Variants in PUM3 observed in about 807,000 individuals in gnomAD.
PUM3 encodes the protein pumilio homolog 3.
Under a neutral mutation model 84.0 loss-of-function variants are expected in PUM3, and 91 were observed. The observed-to-expected ratio is 1.08, with a 90% CI of 0.91 to 1.29. PUM3 has a LOEUF of 1.29. Ranked by LOEUF, PUM3 falls within the 50% of genes most tolerant of loss-of-function variation. The probability of loss-of-function intolerance (pLI) is 0.00; values close to 1 mark genes in which losing one functional copy is unlikely to be tolerated. For synonymous variants in PUM3, 321 were observed against 266.7 expected, an observed-to-expected ratio of 1.20 and a Z score of -1.98; for missense variants, 1,067 against 767.5, an observed-to-expected ratio of 1.39 and a Z score of -4.61.
At chr9:2,832,117 G>A (rs192606260) in intron 5 of PUM3, among the ~76,000 whole-genome samples, 1 of 152,222 alleles carries the variant, frequency 6.6e-6, no homozygotes, top group Admixed American at 6.5e-5. Context: ...CAACAAATCA[G>A]GTGAGTGTAT....
At chr9:2,831,924 T>C (rs1412195588) in intron 5 of PUM3, among the ~76,000 whole-genome samples, 1 of 152,208 alleles carries the variant, frequency 6.6e-6, no homozygotes, top group Non-Finnish European at 1.5e-5. Flanking sequence ...CTAGAAGAGT[T>C]GTTGTGTTTT....
At chr9:2,805,066 G>T (rs1426709480) in intron 17 of PUM3, among the ~76,000 whole-genome samples, 1 of 152,144 alleles carries the variant, frequency 6.6e-6, no homozygotes, top group Non-Finnish European at 1.5e-5. Flanking sequence ...ACAACCAAGA[G>T]CATGCTATGT....
At chr9:2,828,133 G>A (rs1368577707) in intron 9 of PUM3, among the ~76,000 whole-genome samples, 1 of 152,058 alleles carries the variant, frequency 6.6e-6, no homozygotes, top group Admixed American at 6.6e-5. Flanking sequence ...ATGACCTCCT[G>A]GGCTCCAGTG....
intron 3 of PUM3, among the ~76,000 whole-genome samples, chr9:2,836,332 T>C (rs567519586): frequency 6.6e-6 from 1 of 152,042 alleles, no homozygotes; most frequent in African/African-American, 2.4e-5. Context: ...ACCAGAAAAA[T>C]TCTCAGGATG....
rs773006241 is a variant in PUM3 at position 2,811,477 on chromosome 9, C to G, written c.1519G>C (p.Ala507Pro). ...AGAATGTCAGACACCAACACACACG[C>G]AGACTTATCTAGCACCACTTCTTGG... ...HAQEVVLDKS[A>P]CVLVSDILGS... The change falls in exon 15 of 18, where the codon GCG becomes CCG. Residue 507 changes from alanine (A) to proline (P), a missense_variant. Physicochemically the swap from Ala to Pro is conservative, Grantham distance 27 (BLOSUM62 -1). Transcript: ENST00000397885. The G allele has an allele frequency of 6.2e-7, 1 of 1,614,184 alleles. No individual in the cohort carries two copies.
intron 15 of PUM3, 34 bp downstream of exon 15, chr9:2,811,327 C>A (rs774893577): frequency 6.2e-7 from 1 of 1,601,586 alleles, no homozygotes; most frequent in Non-Finnish European, 8.5e-7. Flanking sequence ...GTGGCCTTTG[C>A]AGCTTTCCTG....
intron 1 of PUM3, among the ~76,000 whole-genome samples, chr9:2,843,750 T>C (rs982512577): frequency 2.0e-5 from 3 of 151,706 alleles, no homozygotes; most frequent in African/African-American, 7.3e-5. Context: ...GGCTAATTTT[T>C]TGTAGTTTTA....
At chr9:2,808,085 A>C in intron 16 of PUM3, 181 bp from the exon 17 acceptor site, 1 of 545,868 alleles carries the variant, frequency 1.8e-6, no homozygotes, top group Non-Finnish European at 3.2e-6. Context: ...TGCATTTCTA[A>C]AAGAGCCATT....
intron 16 of PUM3, among the ~76,000 whole-genome samples, chr9:2,810,084 CAG>C (rs1563825173): frequency 8.4e-6 from 1 of 119,310 alleles, no homozygotes; most frequent in Admixed American, 1.1e-4. Context: ...GGAAGGAAAA[CAG>C]AGAGAGTGAG....
intron 1 of PUM3, among the ~76,000 whole-genome samples, chr9:2,840,932 C>T (rs1422945309): frequency 6.6e-6 from 1 of 152,216 alleles, no homozygotes; most frequent in Admixed American, 6.5e-5. Flanking sequence ...GTTTCTATGT[C>T]CTTTCGGCAG....
Position 2,829,804 on chromosome 9 carries a change from C to T in PUM3, c.822G>A (p.Glu274=). Residue 274 remains glutamate (E), a synonymous_variant, in exon 8 of 18, where the codon GAG becomes GAA. Transcript: ENST00000397885. ...ILEQRNMLTE[E]LYGNTFQLYK... Reference sequence around the variant, plus strand: ...AAAGCTGAAATGTGTTCCCATAGAGCTCTTCCGTCAGCATGTTCCTCTGCT... The same window carrying T: ...AAAGCTGAAATGTGTTCCCATAGAGTTCTTCCGTCAGCATGTTCCTCTGCT... 3.7e-6 allele frequency: 6 copies of T among 1,613,960 alleles called. No individual in the cohort carries two copies. The highest frequency in any genetic ancestry group is 4.2e-6 in the Non-Finnish European group (5 of 1,179,844).
rs767604458 is a variant in PUM3, at chr9:2,829,820, T to C, written c.806A>G (p.Asn269Ser). 15 of 1,614,150 alleles carry C rather than the reference T, an allele frequency of 9.3e-6. No individual in the cohort carries two copies. The East Asian group carries it at 1.6e-4, about 17-fold the overall frequency. The change falls in exon 8 of 18, where the codon AAC (asparagine) becomes AGC (serine). Residue 269 changes from asparagine to serine, a missense_variant. Asn to Ser is a conservative substitution (Grantham distance 46). Transcript: ENST00000397885. Reference protein sequence around the residue: ...YNDKAILEQRNMLTEELYGNT... With the variant: ...YNDKAILEQRSMLTEELYGNT... ...CCCATAGAGCTCTTCCGTCAGCATGTTCCTCTGCTCCAAAATGGCTTTGTC... is the reference window on the plus strand; with the variant it reads ...CCCATAGAGCTCTTCCGTCAGCATGCTCCTCTGCTCCAAAATGGCTTTGTC...
chr9:2,808,825 TCA>T (rs1293685819), intron 16 of PUM3, among the ~76,000 whole-genome samples: 1 of 152,212 alleles, frequency 6.6e-6, no homozygotes, highest in Non-Finnish European at 1.5e-5. Flanking sequence ...TTCTTTTGAA[TCA>T]CAGTGGGCCT....
chr9:2,827,315 A>C (rs1365002038), intron 9 of PUM3, among the ~76,000 whole-genome samples, 164 bp from the exon 10 acceptor site: 2 of 152,258 alleles, frequency 1.3e-5, no homozygotes, highest in Non-Finnish European at 2.9e-5. Context: ...ACTAAAACTT[A>C]AACAAAAATT....
At chr9:2,841,944 T>C (rs1816278531) in intron 1 of PUM3, among the ~76,000 whole-genome samples, 1 of 152,164 alleles carries the variant, frequency 6.6e-6, no homozygotes, top group East Asian at 1.9e-4. Context: ...CACAGTATCT[T>C]ACAGAAAAGT....
intron 1 of PUM3, among the ~76,000 whole-genome samples, chr9:2,840,772 G>A (rs529607713): frequency 3.3e-5 from 5 of 152,210 alleles, no homozygotes; most frequent in African/African-American, 4.8e-5. Flanking sequence ...CTTATTTCCT[G>A]GCACTGGCTC....
intron 17 of PUM3, 95 bp from the exon 18 acceptor site, chr9:2,804,558 C>G: frequency 8.6e-7 from 1 of 1,168,176 alleles, no homozygotes; most frequent in Non-Finnish European, 1.2e-6. Context: ...TTAACTGTGA[C>G]ACAAGCCTTG....
At chr9:2,835,610 A>G (rs974106520) in intron 3 of PUM3, among the ~76,000 whole-genome samples, 1 of 152,174 alleles carries the variant, frequency 6.6e-6, no homozygotes, top group Admixed American at 6.5e-5. Flanking sequence ...AACAGAGGGC[A>G]TATTTACCAT....
chr9:2,804,635 C>T (rs1244719558), intron 17 of PUM3, among the ~76,000 whole-genome samples, 172 bp from the exon 18 acceptor site: 1 of 152,136 alleles, frequency 6.6e-6, no homozygotes, highest in Non-Finnish European at 1.5e-5. Flanking sequence ...TATTATAACA[C>T]CACGGAAAAA....
Sources: gnomAD v4.1 joint callset for allele counts (sites outside exome capture counted in the v4.1 genomes callset) on GRCh38, gnomAD v4.1.1 for gene constraint, MANE v1.5 for transcripts, NCBI Gene and HGNC (gene_info 2026-07-23, HGNC 2026-07-21) for gene names.